Variants in APBB2 observed in about 807,000 individuals in gnomAD.
APBB2 encodes amyloid beta precursor protein binding family B member 2.
A neutral mutation model predicts 82.5 loss-of-function variants in APBB2; 38 were observed. That is an observed-to-expected ratio of 0.46 (90% CI 0.36 to 0.60). The LOEUF is 0.60. Ranked by LOEUF, APBB2 falls within the 20% of genes least tolerant of loss-of-function variation. The pLI is 0.00. For missense variants in APBB2, 772 were observed against 972.3 expected, an observed-to-expected ratio of 0.79 and a Z score of 2.74; for synonymous variants, 341 against 368.2, an observed-to-expected ratio of 0.93 and a Z score of 0.85.
chr4:41,155,965 C>T (rs755740373), intron 1 of APBB2, among the ~76,000 whole-genome samples: 1 of 151,896 alleles, frequency 6.6e-6, no homozygotes, highest in South Asian at 2.1e-4. Context: ...TTCCTCGGGG[C>T]ATCTATAATG....
intron 12 of APBB2, chr4:40,880,362 C>A: frequency 1.0e-6 from 1 of 985,428 alleles, no homozygotes. Context: ...AACCAAAAAT[C>A]TCAGGATGAT....
intron 12 of APBB2, among the ~76,000 whole-genome samples, chr4:40,863,766 G>A (rs1037138422): frequency 2.6e-5 from 4 of 151,714 alleles, no homozygotes; most frequent in African/African-American, 9.7e-5. Flanking sequence ...GATGGTGCAC[G>A]CCAGTAATCC....
intron 17 of APBB2, among the ~76,000 whole-genome samples, chr4:40,820,578 T>C (rs1156550975): frequency 1.3e-5 from 2 of 151,938 alleles, no homozygotes; most frequent in Non-Finnish European, 2.9e-5. Flanking sequence ...GGCAAGAGAA[T>C]CACTTAAACC....
chr4:41,059,597 T>C (rs1478896993), intron 4 of APBB2, among the ~76,000 whole-genome samples: 2 of 152,266 alleles, frequency 1.3e-5, no homozygotes, highest in Non-Finnish European at 2.9e-5. Context: ...AACAATAGCA[T>C]GAGCAATTTA....
intron 3 of APBB2, among the ~76,000 whole-genome samples, chr4:41,076,873 T>C (rs988188762): frequency 6.6e-6 from 1 of 151,938 alleles, no homozygotes; most frequent in South Asian, 2.1e-4. Flanking sequence ...ATACAGATAC[T>C]GTGAGAACAA....
chr4:40,966,703 C>T (rs1322573347), intron 6 of APBB2, among the ~76,000 whole-genome samples: 1 of 152,208 alleles, frequency 6.6e-6, no homozygotes, highest in Non-Finnish European at 1.5e-5. Flanking sequence ...CCCCTGCTGC[C>T]TCAGCCCCCT....
chr4:41,102,483 A>G (rs930550911), intron 2 of APBB2, among the ~76,000 whole-genome samples: 9 of 152,338 alleles, frequency 5.9e-5, no homozygotes, highest in African/African-American at 1.9e-4. Flanking sequence ...CAAGAGAACA[A>G]TTTGAGTGTA....
chr4:40,967,516 G>A (rs1253918498), intron 6 of APBB2, among the ~76,000 whole-genome samples: 4 of 152,166 alleles, frequency 2.6e-5, no homozygotes, highest in Non-Finnish European at 4.4e-5. Context: ...GCCAGCCATG[G>A]AAGTTACTTG....
chr4:41,042,632 G>A (rs1477810113), intron 4 of APBB2, among the ~76,000 whole-genome samples: 1 of 151,888 alleles, frequency 6.6e-6, no homozygotes, highest in African/African-American at 2.4e-5. Flanking sequence ...CTGTTGGAAG[G>A]GTGTTGGGAG....
At position 41,013,698 on chromosome 4, in the gene APBB2, C is replaced by A. The variant is rs1413812019; in HGVS notation, c.720G>T (p.Gly240=). 6.2e-7 allele frequency: 1 copy of A among 1,614,160 alleles called. No homozygotes were observed. The highest frequency in any genetic ancestry group is 1.1e-5 in the South Asian group (1 of 91,090). ...PETKKDHPKT[G]AKTDCALHRI... ...GGTGCAGTGCACAGTCGGTTTTGGC[C>A]CCTGTTTTCGGATGATCCTTCTTGG... Residue 240 remains glycine, a synonymous_variant, in exon 6 of 18, where the codon GGG becomes GGT. Transcript: ENST00000508593.
chr4:40,904,128 C>G (rs1227450114), intron 10 of APBB2, among the ~76,000 whole-genome samples: 2 of 152,096 alleles, frequency 1.3e-5, no homozygotes, highest in South Asian at 4.2e-4. Context: ...ACCCAGGTTT[C>G]ACTGAGAAAT....
At chr4:40,922,879 A>G (rs1781625534) in intron 10 of APBB2, among the ~76,000 whole-genome samples, 1 of 152,132 alleles carries the variant, frequency 6.6e-6, no homozygotes, top group Admixed American at 6.5e-5. Flanking sequence ...CGGCCTCCCA[A>G]AGTGCTGGGA....
chr4:40,959,893 A>G (rs150006810), intron 6 of APBB2, among the ~76,000 whole-genome samples: 97 of 152,322 alleles, frequency 6.4e-4, no homozygotes, highest in African/African-American at 2.3e-3. Context: ...TGCAGAGCAG[A>G]TATTATTCCC....
At chr4:41,110,949 T>G (rs1033469571) in intron 2 of APBB2, among the ~76,000 whole-genome samples, 1 of 152,230 alleles carries the variant, frequency 6.6e-6, no homozygotes. Flanking sequence ...CAACTCACTG[T>G]AATGTAGAAC....
At chr4:40,942,686 G>A (rs1308458422) in intron 7 of APBB2, among the ~76,000 whole-genome samples, 2 of 152,116 alleles carry the variant, frequency 1.3e-5, no homozygotes, top group African/African-American at 2.4e-5. Flanking sequence ...AGGTGCCAAG[G>A]GTGTGCCCTT....
chr4:40,817,324 C>T (rs771595600), intron 17 of APBB2, among the ~76,000 whole-genome samples: 3 of 152,108 alleles, frequency 2.0e-5, no homozygotes, highest in Non-Finnish European at 4.4e-5. Flanking sequence ...GGGAGGATTG[C>T]TTCAGACTGG....
At chr4:41,171,280 C>G (rs1768161306) in intron 1 of APBB2, among the ~76,000 whole-genome samples, 1 of 152,202 alleles carries the variant, frequency 6.6e-6, no homozygotes, top group Non-Finnish European at 1.5e-5. Flanking sequence ...GAGCCAGCCC[C>G]TGGACTATAG....
rs147665048 is a variant in APBB2, at chr4:41,181,688, A to G, written c.-417+32717T>C. Among the ~76,000 whole-genome samples the G allele has an allele frequency of 8.5e-3, 1,296 of 152,260 alleles. 30 individuals carry two copies. Among genetic ancestry groups the G allele is most frequent in the African/African-American group, 0.03 (1,250 of 41,548 alleles). On this transcript the variant is annotated intron_variant, in intron 1 of 17. Coordinates refer to ENST00000508593, the MANE Select transcript of APBB2 (RefSeq NM_004307.2). ...TGGCCGGGCACAGTGGCTCACGCCT[A>G]TAATTCCAGCACTTTGGGAGGCCGA...
At chr4:41,049,112 G>T (rs558037265) in intron 4 of APBB2, among the ~76,000 whole-genome samples, 1 of 150,814 alleles carries the variant, frequency 6.6e-6, no homozygotes, top group Admixed American at 6.6e-5. Flanking sequence ...GAGCGTCTCT[G>T]CCTGGCCGCC....
Sources: allele counts gnomAD v4.1 joint callset (sites outside exome capture counted in the v4.1 genomes callset), GRCh38; gene constraint gnomAD v4.1.1; transcripts MANE v1.5; gene names NCBI Gene and HGNC (gene_info 2026-07-23, HGNC 2026-07-21).